The following APOBEC1 variants were observed in gnomAD, a reference collection of about 807,000 sequenced individuals.
APOBEC1 encodes apolipoprotein B mRNA editing enzyme catalytic subunit 1.
A neutral mutation model predicts 26.3 loss-of-function variants in APOBEC1; 22 were observed. That is an observed-to-expected ratio of 0.84 (90% CI 0.60 to 1.19). The LOEUF (loss-of-function observed/expected upper bound fraction) is 1.19, where lower values mean the gene tolerates loss of function less well. Among genes scored for constraint, APOBEC1 ranks in the 50% most tolerant of loss-of-function variants. APOBEC1 has a pLI of 0.00. For synonymous variants in APOBEC1, 77 were observed against 95.3 expected (o/e 0.81, Z 1.12); for missense variants, 253 against 289.0 (o/e 0.88, Z 0.90).
chr12:7,659,322 A>AATATATAT lies in APOBEC1; in HGVS notation c.17-4698_17-4691dup, dbSNP rs1328982852. On this transcript the variant is annotated intron_variant, in intron 1 of 4. Transcript: ENST00000229304. Reference sequence around the variant, plus strand: ...AAAAAAAAAAAAAAAAAAAAAAAAAAATATATATATATATATATATATATA... The same window carrying AATATATAT: ...AAAAAAAAAAAAAAAAAAAAAAAAAAATATATATATATATATATATATATATATATATA... Among the ~76,000 whole-genome samples, 343 of 46,218 alleles carry AATATATAT rather than the reference A, an allele frequency of 7.4e-3. 7 individuals are homozygous for AATATATAT. The highest frequency in any genetic ancestry group is 0.034 in the African/African-American group (266 of 7,888). 30.3% of individuals were successfully genotyped at this position (46,218 alleles called of 152,430 possible).
At position 7,649,653 on chromosome 12, in the gene APOBEC1, T is replaced by C. The variant is rs1475415221; in HGVS notation, c.605A>G (p.His202Arg). 1 of 1,614,022 alleles carries C rather than the reference T, an allele frequency of 6.2e-7. No homozygotes were observed. Among genetic ancestry groups the C allele is most frequent in the Non-Finnish European group, 8.5e-7 (1 of 1,179,866 alleles). ...AAGATGAAGTCTGAAAAATGTAAGA[T>C]GATTTTGCCATCTTCTTGAAATCTT... is the stretch of plus-strand genomic sequence containing the variant. ...CLKISRRWQNHLTFFRLHLQN... is the reference protein window; with the variant it reads ...CLKISRRWQNRLTFFRLHLQN... Residue 202 changes from histidine to arginine, a missense_variant, in exon 5 of 5, where the codon CAT becomes CGT. Transcript: ENST00000229304.
rs773589104 is a variant in APOBEC1 at position 7,663,491 on chromosome 12, G to A, written c.16+2366C>T. ...GAAGGAGGAAGGGGGTGGCTGGCAC[G>A]TTGGAATGAGCTCTTCTCAGATCTT... On this transcript the variant is annotated intron_variant, in intron 1 of 4. Coordinates refer to ENST00000229304, the MANE Select transcript of APOBEC1 (RefSeq NM_001644.5). Among the ~76,000 whole-genome samples, 6 of 152,264 alleles carry A rather than the reference G, an allele frequency of 3.9e-5. No individual in the cohort carries two copies. The South Asian group carries it at 6.2e-4, about 16-fold the overall frequency.
chr12:7,658,774 G>A (rs1863752231), intron 1 of APOBEC1, among the ~76,000 whole-genome samples: 2 of 151,598 alleles, frequency 1.3e-5, no homozygotes, highest in Admixed American at 6.6e-5. Flanking sequence ...CCAACATGGC[G>A]AAACCCCGTC....
chr12:7,656,433 T>C (rs968000041), intron 1 of APOBEC1, among the ~76,000 whole-genome samples: 6 of 152,058 alleles, frequency 3.9e-5, no homozygotes, highest in African/African-American at 1.4e-4. Flanking sequence ...ATCAGAGGAA[T>C]ATGGACCCCG....
At chr12:7,666,400 T>A (rs2136860849), upstream of APOBEC1, among the ~76,000 whole-genome samples, 1 of 152,072 alleles carries the variant, frequency 6.6e-6, no homozygotes. Context: ...TTCAAGCGAT[T>A]CCCCTGCCTC....
chr12:7,659,325 AT>A (rs1565441862), intron 1 of APOBEC1, among the ~76,000 whole-genome samples: 280 of 56,108 alleles, frequency 5.0e-3, no homozygotes, highest in African/African-American at 8.3e-3. Flanking sequence ...AAAAAAAAAT[AT>A]ATATATATAT....
chr12:7,652,132 A>AT (rs975167758), intron 3 of APOBEC1, among the ~76,000 whole-genome samples: 35 of 151,820 alleles, frequency 2.3e-4, no homozygotes, highest in African/African-American at 3.1e-4. Flanking sequence ...GGATTTTTAA[A>AT]TTTTTTTTAG....
intron 4 of APOBEC1, among the ~76,000 whole-genome samples, chr12:7,650,563 GTTGT>G (rs1863623569): frequency 1.3e-5 from 2 of 152,192 alleles, no homozygotes; most frequent in African/African-American, 4.8e-5. Context: ...AGGCTTAGAT[GTTGT>G]TTGTTTGCTT....
At chr12:7,652,069 A>G (rs190171551) in intron 3 of APOBEC1, among the ~76,000 whole-genome samples, 37 of 151,930 alleles carry the variant, frequency 2.4e-4, no homozygotes, top group Admixed American at 1.3e-3. Context: ...TGATCCGCCC[A>G]CCTCGGCCTC....
intron 1 of APOBEC1, among the ~76,000 whole-genome samples, chr12:7,660,106 T>C (rs1565442182): frequency 1.3e-5 from 2 of 151,336 alleles, no homozygotes; most frequent in Non-Finnish European, 2.9e-5. Context: ...GGTTCAAGAC[T>C]AGCCTGGGCA....
At position 7,653,123 on chromosome 12, in the gene APOBEC1, G is replaced by C. The variant is rs369728515; in HGVS notation, c.45-288C>G. 2.2e-3 allele frequency among the ~76,000 whole-genome samples: 340 copies of C among 151,956 alleles called. 2 individuals are homozygous for C. The highest frequency in any genetic ancestry group is 7.9e-3 in the African/African-American group (329 of 41,438). On this transcript the variant is annotated intron_variant, in intron 2 of 4. Coordinates refer to ENST00000229304, the MANE Select transcript of APOBEC1 (RefSeq NM_001644.5). Reference sequence around the variant, plus strand: ...TTTTTTGTATTTTTAGTAGAGACGGGGTTTCACCATGTTGGCCAGGCTGGT... The same window carrying C: ...TTTTTTGTATTTTTAGTAGAGACGGCGTTTCACCATGTTGGCCAGGCTGGT...
intron 1 of APOBEC1, among the ~76,000 whole-genome samples, chr12:7,659,886 G>A (rs927687898): frequency 5.3e-5 from 8 of 151,282 alleles, no homozygotes; most frequent in Non-Finnish European, 8.9e-5. Flanking sequence ...GGAGAATGGC[G>A]TGAACCTGGA....
At chr12:7,656,099 A>G (rs981485059) in intron 1 of APOBEC1, among the ~76,000 whole-genome samples, 2 of 152,046 alleles carry the variant, frequency 1.3e-5, no homozygotes, top group Non-Finnish European at 2.9e-5. Context: ...AGCCTCCCAA[A>G]GTGCTGGGAT....
upstream of APOBEC1, among the ~76,000 whole-genome samples, chr12:7,666,764 C>A (rs902309769): frequency 6.6e-6 from 1 of 152,098 alleles, no homozygotes; most frequent in Non-Finnish European, 1.5e-5. Context: ...GCTCTCTGTC[C>A]TACATCCGTG....
At chr12:7,651,422 G>A (rs1039364194) in intron 3 of APOBEC1, among the ~76,000 whole-genome samples, 36 of 152,102 alleles carry the variant, frequency 2.4e-4, no homozygotes, top group African/African-American at 8.4e-4. Flanking sequence ...AGACCATCCT[G>A]CCTAACACAG....
In APOBEC1 at chr12:7,664,157, A is replaced by T. The variant is rs768919056; in HGVS notation, c.16+1700T>A. 1.2e-4 allele frequency among the ~76,000 whole-genome samples: 18 copies of T among 152,116 alleles called. No homozygotes were observed. In the East Asian group the frequency reaches 3.3e-3, roughly 28 times the overall value. ...GGTGTGAGCCATCACACCTGACCTT[A>T]AAAAAGAATTCTAACAGATGAAGAA... On this transcript the variant is annotated intron_variant, in intron 1 of 4. Transcript: ENST00000229304.
At chr12:7,663,333 GAGA>G (rs1277039580) in intron 1 of APOBEC1, among the ~76,000 whole-genome samples, 2 of 152,278 alleles carry the variant, frequency 1.3e-5, no homozygotes, top group South Asian at 2.1e-4. Flanking sequence ...TCTAGCTGGG[GAGA>G]AGAACTAAAA....
rs753365818 is a variant in APOBEC1 at position 7,652,672 on chromosome 12, AT to A, written c.207del (p.Lys69AsnfsTer12). 1 of 1,613,988 alleles carries A rather than the reference AT, an allele frequency of 6.2e-7. No homozygotes were observed. Among genetic ancestry groups the A allele is most frequent in the South Asian group, 1.1e-5 (1 of 91,062 alleles). ...GGGTGAAAATCTCTTTCTGACGTAA[AT>A]TTTTTTATAAAATTAACTTCCACGT... ...TNHVEVNFIKKFTSERDFHPS... is the reference protein window; with the variant it reads ...TNHVEVNFIKXFTSERDFHPS... On this transcript the variant is annotated frameshift_variant, in exon 3 of 5. Transcript: ENST00000229304. LOFTEE classifies it high-confidence loss of function.
intron 3 of APOBEC1, 34 bp downstream of exon 3, chr12:7,652,404 T>C (rs1863655511): frequency 1.9e-6 from 3 of 1,575,044 alleles, no homozygotes; most frequent in East Asian, 2.2e-5. Flanking sequence ...CAGTCTGTTG[T>C]AAACAATGAA....
Sources: gnomAD v4.1 joint callset for allele counts (sites outside exome capture counted in the v4.1 genomes callset) on GRCh38, gnomAD v4.1.1 for gene constraint, MANE v1.5 for transcripts, NCBI Gene and HGNC (gene_info 2026-07-23, HGNC 2026-07-21) for gene names.